The following NEK6 variants were observed in gnomAD, a reference collection of about 807,000 sequenced individuals.
The protein encoded by NEK6 is NIMA related kinase 6.
NEK6 carries 27 observed loss-of-function variants against 43.5 expected under a neutral mutation model. The ratio of observed to expected loss-of-function variants is 0.62; its 90% CI spans 0.46 to 0.86. NEK6 has a LOEUF of 0.86. NEK6 is among the 40% of genes least tolerant of loss of function. NEK6 has a pLI of 0.00. For synonymous variants in NEK6, 167 were observed against 164.1 expected (o/e 1.02, Z -0.14); for missense variants, 318 against 414.4 (o/e 0.77, Z 2.02).
At chr9:124,283,802 A>C (rs1258877045) in intron 1 of NEK6, among the ~76,000 whole-genome samples, 1 of 152,196 alleles carries the variant, frequency 6.6e-6, no homozygotes, top group Non-Finnish European at 1.5e-5. Context: ...TCCCGTTCCG[A>C]GGAAAAATCC....
chr9:124,328,456 C>A (rs1440264985), intron 7 of NEK6, among the ~76,000 whole-genome samples: 1 of 152,102 alleles, frequency 6.6e-6, no homozygotes, highest in African/African-American at 2.4e-5. Context: ...CCCCCAGGCC[C>A]ACCCCCTGTG....
intron 2 of NEK6, among the ~76,000 whole-genome samples, chr9:124,306,726 G>A (rs758829822): frequency 6.6e-6 from 1 of 152,196 alleles, no homozygotes; most frequent in African/African-American, 2.4e-5. Flanking sequence ...TAGGCAGATC[G>A]TGAGGAGCTG....
chr9:124,328,155 G>C (rs529024000), intron 7 of NEK6, among the ~76,000 whole-genome samples: 1 of 152,274 alleles, frequency 6.6e-6, no homozygotes, highest in Admixed American at 6.5e-5. Context: ...GACAGGTGAA[G>C]CAATGGCAAG....
chr9:124,258,370 G>C, intron 1 of NEK6: 4 of 981,128 alleles, frequency 4.1e-6, no homozygotes, highest in Non-Finnish European at 4.8e-6. Flanking sequence ...GGGTGAGTGC[G>C]TGCGGGGACG....
chr9:124,264,405 G>C (rs183692177), intron 1 of NEK6, among the ~76,000 whole-genome samples: 25 of 152,292 alleles, frequency 1.6e-4, no homozygotes, highest in African/African-American at 5.8e-4. Flanking sequence ...AGTAACACCA[G>C]GCACCAGCCC....
chr9:124,296,543 G>GATC (rs200457108), intron 1 of NEK6, among the ~76,000 whole-genome samples: 1,959 of 152,314 alleles, frequency 0.013, 24 homozygotes, highest in Non-Finnish European at 0.017. Context: ...GCCTGTGCAC[G>GATC]TGCACACACA....
chr9:124,337,570 T>C (rs570495359), intron 7 of NEK6, among the ~76,000 whole-genome samples: 1 of 152,376 alleles, frequency 6.6e-6, no homozygotes, highest in East Asian at 1.9e-4. Context: ...TGAGCTGCAT[T>C]CATTTTGTCG....
Position 124,326,370 on chromosome 9 carries a change from T to C in NEK6, c.446T>C (p.Val149Ala), listed in dbSNP as rs552985155. ...AAGCGGCTCATCCCGGAGAGGACAG[T>C]ATGGAAGTACTTTGTGCAGCTGTGC... ...KQKRLIPERT[V>A]WKYFVQLCSA... is the part of the protein sequence containing the mutation. The change falls in exon 6 of 10, where the codon GTA (valine) becomes GCA (alanine). Residue 149 changes from valine to alanine, a missense_variant. Physicochemically the swap from Val to Ala is moderately conservative, Grantham distance 64 (BLOSUM62 0). Around this residue, in one of 2 missense-constraint regions of NEK6, gnomAD observed 239 missense variants for 344.4 expected, o/e 0.69. Transcript: ENST00000320246. The surrounding 1 kb of genome is among the most constrained non-coding windows in gnomAD (Gnocchi z 4.5). 4 of 1,611,646 alleles carry C rather than the reference T, an allele frequency of 2.5e-6. No homozygotes were observed. The highest frequency in any genetic ancestry group is 1.3e-5 in the African/African-American group (1 of 75,006).
chr9:124,272,894 C>T (rs75579269), intron 1 of NEK6, among the ~76,000 whole-genome samples: 1,795 of 152,328 alleles, frequency 0.012, 22 homozygotes, highest in Non-Finnish European at 0.018. Flanking sequence ...TTCCAGACCA[C>T]ACTATCGGAA....
At chr9:124,323,483 G>T (rs575739563) in intron 5 of NEK6, among the ~76,000 whole-genome samples, 1 of 152,312 alleles carries the variant, frequency 6.6e-6, no homozygotes, top group Admixed American at 6.5e-5. Context: ...GGTGGAAGGA[G>T]AGGTGAGGGC....
rs2130947946 is a variant in NEK6 at position 124,326,498 on chromosome 9, C to T, written c.514+60C>T. On this transcript the variant is annotated intron_variant, in intron 6 of 9. Coordinates refer to ENST00000320246, the MANE Select transcript of NEK6 (RefSeq NM_014397.6). The surrounding 1 kb of genome is among the most constrained non-coding windows in gnomAD (Gnocchi z 4.5). Reference sequence around the variant, plus strand: ...CCTGGAGCCCAGGAAGACACTTCCTCATGGCTCCTCCAGGGTCCTCAGGGG... The same window carrying T: ...CCTGGAGCCCAGGAAGACACTTCCTTATGGCTCCTCCAGGGTCCTCAGGGG... 7.9e-7 allele frequency: 1 copy of T among 1,266,440 alleles called. No homozygotes were observed. The allele number at this position is 1,266,440 out of a possible 1,614,324, so 78.5% of individuals were successfully genotyped here. A position where few individuals can be genotyped will look rare whatever the true frequency, so the allele number is the denominator to read the frequency against.
At chr9:124,272,991 C>T (rs899959565) in intron 1 of NEK6, among the ~76,000 whole-genome samples, 9 of 152,272 alleles carry the variant, frequency 5.9e-5, no homozygotes, top group African/African-American at 1.4e-4. Flanking sequence ...AGACTCTCAG[C>T]GGCCCATGTG....
intron 7 of NEK6, among the ~76,000 whole-genome samples, chr9:124,328,133 A>G (rs1047638581): frequency 3.9e-5 from 6 of 152,132 alleles, no homozygotes; most frequent in Non-Finnish European, 5.9e-5. Context: ...ACTTGGTCAG[A>G]TGTGTTTTGG....
intron 8 of NEK6, among the ~76,000 whole-genome samples, chr9:124,344,168 C>T (rs745731669): frequency 6.6e-6 from 1 of 152,216 alleles, no homozygotes; most frequent in Non-Finnish European, 1.5e-5. Context: ...CTCTCGGGCT[C>T]CCTGTCATGA....
intron 1 of NEK6, among the ~76,000 whole-genome samples, chr9:124,282,956 C>T (rs1430537100): frequency 6.6e-6 from 1 of 152,222 alleles, no homozygotes; most frequent in Non-Finnish European, 1.5e-5. Context: ...GCACAGCCTC[C>T]CCCGCTTTGT....
At chr9:124,328,135 G>A (rs1828763408) in intron 7 of NEK6, among the ~76,000 whole-genome samples, 1 of 152,190 alleles carries the variant, frequency 6.6e-6, no homozygotes, top group African/African-American at 2.4e-5. Context: ...TTGGTCAGAT[G>A]TGTTTTGGGG....
chr9:124,258,143 G>A (rs990825805), intron 1 of NEK6, 58 bp downstream of exon 1: 12 of 977,790 alleles, frequency 1.2e-5, no homozygotes, highest in Non-Finnish European at 1.3e-5. Context: ...GAGAAGGGCG[G>A]GGGCCGGGCG....
intron 9 of NEK6, among the ~76,000 whole-genome samples, chr9:124,348,520 T>A (rs192433526): frequency 2.4e-4 from 37 of 152,334 alleles, no homozygotes; most frequent in Middle Eastern, 3.4e-3. Flanking sequence ...GTTCACACAC[T>A]CTCTGCACTG....
At position 124,345,221 on chromosome 9, in the gene NEK6, A is replaced by G. The variant is rs558517934; in HGVS notation, c.718-2488A>G. On this transcript the variant is annotated intron_variant, in intron 8 of 9. Transcript: ENST00000320246. ...AGGCCCCAGACAGTGAGTCCTCTCT[A>G]TTTCGACCAGTCAGAGTCTGGGTGG... Among the ~76,000 whole-genome samples the G allele has an allele frequency of 2.9e-4, 44 of 152,260 alleles. 4 individuals are homozygous for G. The highest frequency in any genetic ancestry group is 6.8e-3 in the Middle Eastern group (2 of 294).
Sources: allele counts gnomAD v4.1 joint callset (sites outside exome capture counted in the v4.1 genomes callset), GRCh38; gene constraint gnomAD v4.1.1; regional missense constraint gnomAD v4.1.1; non-coding constraint Gnocchi (gnomAD v3.1); transcripts MANE v1.5; gene names NCBI Gene and HGNC (gene_info 2026-07-23, HGNC 2026-07-21).